RAD17: variants seen among roughly 807,000 people sequenced by gnomAD.
RAD17 encodes the protein cell cycle checkpoint protein RAD17.
In RAD17, 31 loss-of-function variants were observed where a neutral mutation model predicts 81.5. The ratio of observed to expected loss-of-function variants is 0.38; its 90% CI spans 0.29 to 0.51. The LOEUF (loss-of-function observed/expected upper bound fraction) is 0.51. RAD17 is among the 20% of genes least tolerant of loss of function. RAD17 has a pLI of 0.88. For synonymous variants in RAD17, 261 were observed against 266.2 expected, an observed-to-expected ratio of 0.98 and a Z score of 0.19; for missense variants, 681 against 781.2, an observed-to-expected ratio of 0.87 and a Z score of 1.53.
In RAD17 at chr5:69,373,969, T is replaced by G; in HGVS notation, c.149T>G (p.Phe50Cys). 4.3e-6 allele frequency: 7 copies of G among 1,613,630 alleles called. No individual in the cohort carries two copies. Among genetic ancestry groups the G allele is most frequent in the Non-Finnish European group, 5.9e-6 (7 of 1,179,746 alleles). Residue 50 changes from phenylalanine to cysteine, a missense_variant, in exon 5 of 19, where the codon TTT becomes TGT. Physicochemically the swap from Phe to Cys is radical, Grantham distance 205. Transcript: ENST00000354868. ...CCTTCTACATTAGAAAGCAGCAGATTTCCAGCGAGAAAAAGAGGAAATCTA... is the reference window on the plus strand; with the variant it reads ...CCTTCTACATTAGAAAGCAGCAGATGTCCAGCGAGAAAAAGAGGAAATCTA... ...NGPSTLESSR[F>C]PARKRGNLSS...
In RAD17 at chr5:69,414,171, C is replaced by T; in HGVS notation, c.1892C>T (p.Ser631Phe). 1.2e-6 allele frequency: 2 copies of T among 1,614,256 alleles called. No individual in the cohort carries two copies. The highest frequency in any genetic ancestry group is 1.7e-6 in the Non-Finnish European group (2 of 1,180,050). ...PTQATVPETW[S>F]LPLSQNSASE... ...CAAGCCACTGTGCCGGAAACCTGGT[C>T]TCTTCCTTTGAGTCAGAATAGTGCC... The change falls in exon 19 of 19, where the codon TCT becomes TTT. Residue 631 changes from serine to phenylalanine, a missense_variant. Physicochemically the swap from Ser to Phe is radical, Grantham distance 155 (BLOSUM62 -2). Transcript: ENST00000354868.
At chr5:69,393,330 A>T in intron 14 of RAD17, 24 bp from the exon 15 acceptor site, 1 of 1,580,654 alleles carries the variant, frequency 6.3e-7, no homozygotes, top group Non-Finnish European at 8.6e-7. Flanking sequence ...TACCAAATTT[A>T]TGTATATATG....
chr5:69,399,280 A>G (rs1171218473), intron 16 of RAD17, among the ~76,000 whole-genome samples: 1 of 152,092 alleles, frequency 6.6e-6, no homozygotes, highest in Non-Finnish European at 1.5e-5. Context: ...GTGAAGTATA[A>G]CACTGGCTCA....
At chr5:69,378,708 A>G (rs1445378672) in intron 6 of RAD17, among the ~76,000 whole-genome samples, 2 of 152,198 alleles carry the variant, frequency 1.3e-5, no homozygotes, top group Non-Finnish European at 2.9e-5. Context: ...TTTAATGTTC[A>G]GTCATGCTTC....
At chr5:69,385,104 C>T (rs1004778505) in intron 8 of RAD17, among the ~76,000 whole-genome samples, 171 bp downstream of exon 8, 58 of 151,248 alleles carry the variant, frequency 3.8e-4, no homozygotes, top group Admixed American at 2.3e-3. Context: ...GGACTACAGG[C>T]GCCCGCCACC....
chr5:69,369,628 C>T (rs1323661431), upstream of RAD17: 1 of 1,569,300 alleles, frequency 6.4e-7, no homozygotes, highest in East Asian at 2.4e-5. Flanking sequence ...TAGCCTGCCC[C>T]GGCGGCCCAG....
At chr5:69,371,596 A>C in intron 3 of RAD17, 39 bp downstream of exon 3, 1 of 1,158,456 alleles carries the variant, frequency 8.6e-7, no homozygotes. Context: ...AATTGCCTTA[A>C]AATAATTATA....
chr5:69,386,926 C>CTTTTTTTTTT (rs377383013), intron 11 of RAD17, among the ~76,000 whole-genome samples: 2 of 138,544 alleles, frequency 1.4e-5, no homozygotes, highest in African/African-American at 2.7e-5. Context: ...GCTGTTGTCA[C>CTTTTTTTTTT]TTTTTTTTTT....
At chr5:69,383,895 C>G (rs975425846) in intron 7 of RAD17, among the ~76,000 whole-genome samples, 2 of 152,142 alleles carry the variant, frequency 1.3e-5, no homozygotes, top group African/African-American at 2.4e-5. Context: ...ATGAAACATG[C>G]CTTCAGAGAG....
intron 12 of RAD17, 55 bp downstream of exon 12, chr5:69,389,200 A>C (rs1764395830): frequency 4.7e-6 from 5 of 1,062,588 alleles, no homozygotes; most frequent in South Asian, 1.6e-5. Context: ...ACTTTCTCTT[A>C]ATTCATTCAA....
intron 11 of RAD17, among the ~76,000 whole-genome samples, chr5:69,387,879 AC>A (rs554656828): frequency 5.1e-4 from 77 of 152,138 alleles, no homozygotes; most frequent in Non-Finnish European, 2.5e-4. Flanking sequence ...AAAAAAAATT[AC>A]CTGGGCATGG....
intron 13 of RAD17, chr5:69,392,809 C>G (rs778250513): frequency 1.3e-5 from 6 of 462,506 alleles, no homozygotes; most frequent in South Asian, 9.5e-5. Context: ...AGAGCAACAT[C>G]TTCCTACATA....
chr5:69,392,106 TG>T (rs945436358), intron 13 of RAD17, 93 bp downstream of exon 13: 1 of 1,160,142 alleles, frequency 8.6e-7, no homozygotes. Context: ...TCATGTATTT[TG>T]GTTCTGCTCT....
intron 6 of RAD17, among the ~76,000 whole-genome samples, chr5:69,376,414 G>A (rs1763336925): frequency 6.6e-6 from 1 of 152,230 alleles, no homozygotes; most frequent in African/African-American, 2.4e-5. Flanking sequence ...AGCTAGGGTT[G>A]TTTAGTTACC....
At chr5:69,404,620 T>C (rs1278076679) in intron 17 of RAD17, among the ~76,000 whole-genome samples, 2 of 151,790 alleles carry the variant, frequency 1.3e-5, no homozygotes, top group South Asian at 2.1e-4. Flanking sequence ...ATACAAAAAA[T>C]TAGCTGGGTG....
In RAD17 at chr5:69,388,081, A is replaced by G. The variant is rs151302303; in HGVS notation, c.895-953A>G. On this transcript the variant is annotated intron_variant, in intron 11 of 18. Coordinates refer to ENST00000354868, the MANE Select transcript of RAD17 (RefSeq NM_133338.3). Reference sequence around the variant, plus strand: ...AGAACTGCAAATTGAGCCATGGTGCATGCCTGTAGTCCCAGCTACAAAGGC... The same window carrying G: ...AGAACTGCAAATTGAGCCATGGTGCGTGCCTGTAGTCCCAGCTACAAAGGC... Among the ~76,000 whole-genome samples, 670 of 152,298 alleles carry G rather than the reference A, an allele frequency of 4.4e-3. 8 individuals carry two copies. The highest frequency in any genetic ancestry group is 0.016 in the African/African-American group (653 of 41,550).
At chr5:69,373,757 G>T in intron 4 of RAD17, 73 bp from the exon 5 acceptor site, 1 of 964,652 alleles carries the variant, frequency 1.0e-6, no homozygotes, top group Non-Finnish European at 1.6e-6. Context: ...GTTGTTTCCA[G>T]AGTAGTTCAG....
chr5:69,386,776 C>T (rs559490234), intron 11 of RAD17, among the ~76,000 whole-genome samples: 2 of 152,098 alleles, frequency 1.3e-5, no homozygotes, highest in African/African-American at 2.4e-5. Context: ...CAATTCAACT[C>T]TTCCTATTGT....
intron 2 of RAD17, 50 bp downstream of exon 2, chr5:69,371,221 C>A: frequency 1.1e-5 from 6 of 522,792 alleles, no homozygotes; most frequent in Non-Finnish European, 1.4e-5. Flanking sequence ...TCTAATACAT[C>A]ATTGAGTTCA....
Sources: allele counts gnomAD v4.1 joint callset (sites outside exome capture counted in the v4.1 genomes callset), GRCh38; gene constraint gnomAD v4.1.1; transcripts MANE v1.5; gene names NCBI Gene and HGNC (gene_info 2026-07-23, HGNC 2026-07-21).